Variants in PALB2 observed in about 807,000 individuals in gnomAD.
PALB2 encodes partner and localizer of BRCA2.
Under a neutral mutation model 107.4 loss-of-function variants are expected in PALB2, and 82 were observed. The ratio of observed to expected loss-of-function variants is 0.76; its 90% CI spans 0.64 to 0.92. The LOEUF (loss-of-function observed/expected upper bound fraction) is 0.92. Among genes scored for constraint, PALB2 ranks in the 40% least tolerant of loss-of-function variants. The probability of loss-of-function intolerance (pLI) is 0.00; values close to 1 mark genes in which losing one functional copy is unlikely to be tolerated. For missense variants in PALB2, 1,374 were observed against 1,379.9 expected, an observed-to-expected ratio of 1.00 and a Z score of 0.07; for synonymous variants, 489 against 496.8, an observed-to-expected ratio of 0.98 and a Z score of 0.21.
intron 10 of PALB2, among the ~76,000 whole-genome samples, chr16:23,619,051 T>C (rs1414845852): frequency 6.6e-6 from 1 of 150,914 alleles, no homozygotes; most frequent in Non-Finnish European, 1.5e-5. Flanking sequence ...CCATAGTGTT[T>C]AAAAAAAAGA....
intron 1 of PALB2, 36 bp from the exon 2 acceptor site, chr16:23,638,165 T>C (rs751567369): frequency 4.5e-6 from 7 of 1,569,040 alleles, no homozygotes; most frequent in Non-Finnish European, 6.1e-6. Flanking sequence ...ACTGGGCAAG[T>C]GGAAAGGTGG....
At chr16:23,633,093 A>C (rs1036495447) in intron 4 of PALB2, among the ~76,000 whole-genome samples, 2 of 152,202 alleles carry the variant, frequency 1.3e-5, no homozygotes, top group Admixed American at 6.5e-5. Flanking sequence ...AAACTGTCTC[A>C]ACAACAATAA....
intron 11 of PALB2, among the ~76,000 whole-genome samples, chr16:23,612,286 C>T (rs760420387): frequency 6.6e-5 from 10 of 152,040 alleles, no homozygotes; most frequent in African/African-American, 2.4e-4. Flanking sequence ...GGCACGATCT[C>T]GGCTCACTGC....
At chr16:23,624,196 A>G (rs892583809) in intron 7 of PALB2, 102 bp from the exon 8 acceptor site, 90 of 778,514 alleles carry the variant, frequency 1.2e-4, no homozygotes, top group Admixed American at 2.1e-5. Flanking sequence ...CTCACTGTAC[A>G]AGGATAATTT....
At position 23,626,382 on chromosome 16, in the gene PALB2, A is replaced by G. The variant is rs1555460026; in HGVS notation, c.2602T>C (p.Cys868Arg). ...AACATGGCACTCACATCTACGGAACAGGAACCTGAAGGATTCTGACACAAT... is the reference window on the plus strand; with the variant it reads ...AACATGGCACTCACATCTACGGAACGGGAACCTGAAGGATTCTGACACAAT... Reference protein sequence around the residue: ...VSELKNPSGSCSVDVSAMFWE... With the variant: ...VSELKNPSGSRSVDVSAMFWE... The change falls in exon 7 of 13, where the codon TGT becomes CGT. Residue 868 changes from cysteine to arginine, a missense_variant. Coordinates refer to ENST00000261584, the MANE Select transcript of PALB2 (RefSeq NM_024675.4). 6.2e-7 allele frequency: 1 copy of G among 1,614,240 alleles called. No individual in the cohort carries two copies.
At chr16:23,609,703 G>C (rs1207340319) in intron 11 of PALB2, among the ~76,000 whole-genome samples, 1 of 151,782 alleles carries the variant, frequency 6.6e-6, no homozygotes, top group Non-Finnish European at 1.5e-5. Flanking sequence ...ACTTTTAGTA[G>C]AGCGGGGTTT....
chr16:23,614,638 T>C (rs1966646894), intron 10 of PALB2, among the ~76,000 whole-genome samples: 1 of 150,026 alleles, frequency 6.7e-6, no homozygotes, highest in Non-Finnish European at 1.5e-5. Context: ...TTGGAATCAC[T>C]TCCCAGCTTT....
rs182706544 is a variant in PALB2, at chr16:23,614,414, T to C, written c.3114-323A>G. Among the ~76,000 whole-genome samples the C allele has an allele frequency of 1.6e-3, 248 of 152,276 alleles. 2 individuals carry two copies. The highest frequency in any genetic ancestry group is 5.8e-3 in the African/African-American group (241 of 41,578). On this transcript the variant is annotated intron_variant, in intron 10 of 12. Coordinates refer to ENST00000261584, the MANE Select transcript of PALB2 (RefSeq NM_024675.4). ...ATGGTATAGCAGTATCATGATTTTGTGACACTTCTTGTTATGTCTAAATTT... is the reference window on the plus strand; with the variant it reads ...ATGGTATAGCAGTATCATGATTTTGCGACACTTCTTGTTATGTCTAAATTT...
intron 4 of PALB2, among the ~76,000 whole-genome samples, chr16:23,634,566 C>T (rs550048546): frequency 1.3e-5 from 2 of 152,160 alleles, no homozygotes; most frequent in African/African-American, 4.8e-5. Flanking sequence ...GCAGGAGGAA[C>T]ATTTGAGCCC....
chr16:23,633,075 C>T (rs1966900415), intron 4 of PALB2, among the ~76,000 whole-genome samples: 1 of 152,014 alleles, frequency 6.6e-6, no homozygotes, highest in South Asian at 2.1e-4. Flanking sequence ...TCCGGGGCGA[C>T]AAGGGTGAAA....
Position 23,603,571 on chromosome 16 carries a change from A to C in PALB2, c.3449T>G (p.Leu1150Arg), listed in dbSNP as rs45566737. 65 of 1,614,064 alleles carry C rather than the reference A, an allele frequency of 4.0e-5. No homozygotes were observed. Among genetic ancestry groups the C allele is most frequent in the Non-Finnish European group, 5.3e-5 (62 of 1,180,028 alleles). The change falls in exon 13 of 13, where the codon CTC (leucine) becomes CGC (arginine). Residue 1150 changes from leucine to arginine, a missense_variant. Leu to Arg is a moderately radical substitution (Grantham distance 102). Transcript: ENST00000261584. ...ATGTTGGTCAGAGACAGGTGGGAGGAGGGCAGTACACTGACCGAGAAGTAA... is the reference window on the plus strand; with the variant it reads ...ATGTTGGTCAGAGACAGGTGGGAGGCGGGCAGTACACTGACCGAGAAGTAA... ...WDLLLGQCTA[L>R]LPPVSDQHWS...
Position 23,626,269 on chromosome 16 carries a change from C to T in PALB2, c.2715G>A (p.Gln905=), listed in dbSNP as rs1555459937. ...VSLWKALDAW[Q]WEKLYTWHFA... ...AGTGCCAGGTATAAAGTTTTTCCCA[C>T]TGCCAAGCATCCAGAGCTTTCCAAA... Residue 905 remains glutamine (Q), a synonymous_variant, in exon 7 of 13, where the codon CAG becomes CAA. Transcript: ENST00000261584. The T allele has an allele frequency of 6.2e-7, 1 of 1,614,226 alleles. No individual in the cohort carries two copies. The highest frequency in any genetic ancestry group is 8.5e-7 in the Non-Finnish European group (1 of 1,180,042).
chr16:23,637,612 C>T (rs1200767268), intron 3 of PALB2, among the ~76,000 whole-genome samples: 3 of 151,888 alleles, frequency 2.0e-5, no homozygotes, highest in African/African-American at 4.8e-5. Context: ...GGCTGAGGCA[C>T]GAGAATCACT....
At chr16:23,638,512 A>G in intron 1 of PALB2, 1 of 463,048 alleles carries the variant, frequency 2.2e-6, no homozygotes, top group Non-Finnish European at 4.3e-6. Context: ...AGATCCTTGA[A>G]GGTAGCAGGA....
At chr16:23,612,870 A>G (rs1966612467) in intron 11 of PALB2, among the ~76,000 whole-genome samples, 1 of 151,826 alleles carries the variant, frequency 6.6e-6, no homozygotes, top group Admixed American at 6.6e-5. Context: ...CTCTTTCCTC[A>G]GTCTCCCAAG....
At chr16:23,629,433 T>C (rs1425226168) in intron 5 of PALB2, among the ~76,000 whole-genome samples, 158 bp from the exon 6 acceptor site, 2 of 152,200 alleles carry the variant, frequency 1.3e-5, no homozygotes, top group African/African-American at 2.4e-5. Context: ...ACAAAGAGAA[T>C]AGGACCTCCC....
intron 11 of PALB2, among the ~76,000 whole-genome samples, chr16:23,611,619 A>T (rs1443860372): frequency 1.3e-5 from 2 of 149,874 alleles, no homozygotes; most frequent in Non-Finnish European, 3.0e-5. Context: ...CACCACACCC[A>T]TGTAAATTTT....
rs1567217632 is a variant in PALB2 at position 23,629,837 on chromosome 16, T to C, written c.2317A>G (p.Thr773Ala). The C allele has an allele frequency of 1.2e-6, 2 of 1,614,208 alleles. No homozygotes were observed. Among genetic ancestry groups the C allele is most frequent in the Non-Finnish European group, 1.7e-6 (2 of 1,180,034 alleles). The change falls in exon 5 of 13, where the codon ACT (threonine) becomes GCT (alanine). Residue 773 changes from threonine to alanine, a missense_variant. Thr to Ala is a moderately conservative substitution (Grantham distance 58, BLOSUM62 0). Transcript: ENST00000261584. ...CTGCCTGAACTGTCGAATTGTTTAGTATCACTGGCAAGACAGACTGAGTCT... is the reference window on the plus strand; with the variant it reads ...CTGCCTGAACTGTCGAATTGTTTAGCATCACTGGCAAGACAGACTGAGTCT... ...LKDSVCLASD[T>A]KQFDSSGSPA...
Position 23,630,487 on chromosome 16 carries a change from G to C in PALB2, c.1685-18C>G, listed in dbSNP as rs1401344071. Reference sequence around the variant, plus strand: ...TTTCTTCCCTAAAGAAGAAAAATAAGTCACAAAATAGTAACAAAACCCAAC... The same window carrying C: ...TTTCTTCCCTAAAGAAGAAAAATAACTCACAAAATAGTAACAAAACCCAAC... On this transcript the variant is annotated intron_variant, in intron 4 of 12. Coordinates refer to ENST00000261584, the MANE Select transcript of PALB2 (RefSeq NM_024675.4). 1 of 1,573,698 alleles carries C rather than the reference G, an allele frequency of 6.4e-7. No homozygotes were observed.
Sources: gnomAD v4.1 joint callset for allele counts (sites outside exome capture counted in the v4.1 genomes callset) on GRCh38, gnomAD v4.1.1 for gene constraint, MANE v1.5 for transcripts, NCBI Gene and HGNC (gene_info 2026-07-23, HGNC 2026-07-21) for gene names.